Variants in PLEKHG1 observed in about 807,000 individuals in gnomAD.
PLEKHG1 encodes the protein pleckstrin homology domain-containing family G member 1.
PLEKHG1 carries 44 observed loss-of-function variants against 100.8 expected under a neutral mutation model. The observed-to-expected ratio is 0.44, with a 90% confidence interval of 0.34 to 0.56. The LOEUF is 0.56. Among genes scored for constraint, PLEKHG1 ranks in the 20% least tolerant of loss-of-function variants. The pLI is 0.01. For missense variants in PLEKHG1, 1,545 were observed against 1,720.9 expected (o/e 0.90, Z 1.81); for synonymous variants, 640 against 662.5 (o/e 0.97, Z 0.52).
intron 1 of PLEKHG1, among the ~76,000 whole-genome samples, chr6:150,728,317 G>A (rs57755095): frequency 0.17 from 26,216 of 152,070 alleles, 3,376 homozygotes; most frequent in African/African-American, 0.36. Context: ...AAATGATGCC[G>A]GGGCAGTGGC....
At chr6:150,763,174 C>G (rs1439326391) in intron 2 of PLEKHG1, among the ~76,000 whole-genome samples, 1 of 151,648 alleles carries the variant, frequency 6.6e-6, no homozygotes, top group Non-Finnish European at 1.5e-5. Context: ...ATTACAGCTG[C>G]CCACCACCAC....
intron 1 of PLEKHG1, among the ~76,000 whole-genome samples, chr6:150,610,204 C>T (rs1337780090): frequency 2.0e-5 from 3 of 152,148 alleles, no homozygotes; most frequent in African/African-American, 4.8e-5. Flanking sequence ...TGGGTTCAAG[C>T]GATTTTCCTG....
At chr6:150,684,900 G>A (rs537693510) in intron 3 of PLEKHG1, among the ~76,000 whole-genome samples, 1 of 152,208 alleles carries the variant, frequency 6.6e-6, no homozygotes, top group South Asian at 2.1e-4. Flanking sequence ...AAGGAAGCAC[G>A]TGTGTGCTTT....
At chr6:150,643,331 C>G (rs888941752) in intron 2 of PLEKHG1, among the ~76,000 whole-genome samples, 9 of 151,978 alleles carry the variant, frequency 5.9e-5, no homozygotes, top group South Asian at 2.1e-4. Context: ...GAAATCTAGC[C>G]CAGATTCTGG....
chr6:150,691,414 T>C (rs552461891), intron 3 of PLEKHG1, among the ~76,000 whole-genome samples: 1 of 152,356 alleles, frequency 6.6e-6, no homozygotes, highest in South Asian at 2.1e-4. Context: ...GGACAGAGCC[T>C]GGTTTTTATA....
intron 2 of PLEKHG1, among the ~76,000 whole-genome samples, chr6:150,741,915 A>G (rs916636512): frequency 1.3e-5 from 2 of 152,234 alleles, no homozygotes; most frequent in Non-Finnish European, 2.9e-5. Context: ...ACTTCTATCC[A>G]TTAGAAGCTA....
chr6:150,809,013 G>A (rs1583172742), intron 7 of PLEKHG1, 92 bp from the exon 9 acceptor site: 1 of 1,055,768 alleles, frequency 9.5e-7, no homozygotes, highest in East Asian at 2.4e-5. Context: ...GGACGATTTG[G>A]CACCATTCTT....
chr6:150,817,639 C>A (rs1776052025), intron 10 of PLEKHG1, among the ~76,000 whole-genome samples: 1 of 149,854 alleles, frequency 6.7e-6, no homozygotes, highest in Non-Finnish European at 1.5e-5. Flanking sequence ...CTCACTGCAA[C>A]CTCCGCTTCC....
chr6:150,837,028 G>C (rs1254879198), intron 15 of PLEKHG1, among the ~76,000 whole-genome samples: 1 of 152,112 alleles, frequency 6.6e-6, no homozygotes, highest in Admixed American at 6.5e-5. Context: ...CAGGCGTGGT[G>C]GTGGGTGCCT....
At chr6:150,640,793 G>A (rs909794580) in intron 2 of PLEKHG1, among the ~76,000 whole-genome samples, 1 of 152,048 alleles carries the variant, frequency 6.6e-6, no homozygotes, top group Non-Finnish European at 1.5e-5. Context: ...ACAATTATTT[G>A]TGAGCATCTG....
At chr6:150,758,400 G>A (rs944734405) in intron 2 of PLEKHG1, among the ~76,000 whole-genome samples, 6 of 150,984 alleles carry the variant, frequency 4.0e-5, no homozygotes, top group Non-Finnish European at 8.8e-5. Context: ...GCAATGGCAC[G>A]ATCTTGGCTC....
At chr6:150,779,480 G>A (rs1312045778) in intron 3 of PLEKHG1, among the ~76,000 whole-genome samples, 1 of 151,446 alleles carries the variant, frequency 6.6e-6, no homozygotes, top group African/African-American at 2.4e-5. Flanking sequence ...CGAGTAGCTG[G>A]GCTTACAGGC....
intron 3 of PLEKHG1, among the ~76,000 whole-genome samples, chr6:150,656,593 A>T (rs1232230634): frequency 1.3e-5 from 2 of 152,122 alleles, no homozygotes; most frequent in African/African-American, 4.8e-5. Context: ...AGCATGGAGC[A>T]CCTCCTTTCA....
intron 15 of PLEKHG1, among the ~76,000 whole-genome samples, chr6:150,838,460 G>A (rs1451419557): frequency 6.6e-6 from 1 of 152,158 alleles, no homozygotes; most frequent in African/African-American, 2.4e-5. Context: ...TATTTTATGT[G>A]TGTCCCAAGA....
intron 14 of PLEKHG1, 36 bp downstream of exon 15, chr6:150,823,712 A>T: frequency 6.5e-7 from 1 of 1,550,124 alleles, no homozygotes; most frequent in Non-Finnish European, 8.9e-7. Context: ...GGAAATGTTC[A>T]CTTCAGGCAC....
intron 2 of PLEKHG1, among the ~76,000 whole-genome samples, chr6:150,646,331 G>A (rs1243466993): frequency 6.9e-6 from 1 of 145,814 alleles, no homozygotes; most frequent in Non-Finnish European, 1.5e-5. Flanking sequence ...GCCCTGATTG[G>A]TCTGGTGTGG....
intron 3 of PLEKHG1, among the ~76,000 whole-genome samples, chr6:150,693,068 A>T (rs1313397770): frequency 6.6e-6 from 1 of 152,144 alleles, no homozygotes; most frequent in African/African-American, 2.4e-5. Flanking sequence ...CGGTTGGATC[A>T]CTTGAGGTCA....
chr6:150,679,661 G>A (rs1158690614), intron 3 of PLEKHG1, among the ~76,000 whole-genome samples: 1 of 152,236 alleles, frequency 6.6e-6, no homozygotes, highest in Non-Finnish European at 1.5e-5. Flanking sequence ...CGTTGAGTAT[G>A]TACTCTGTGC....
At chr6:150,840,222 C>T in exon 16 of PLEKHG1, 3 of 1,614,240 alleles carry the variant, frequency 1.9e-6, no homozygotes, top group Non-Finnish European at 2.5e-6. Context: ...TCAGGACCAT[C>T]TTTACAACTC....
Sources: gnomAD v4.1 joint callset for allele counts (sites outside exome capture counted in the v4.1 genomes callset) on GRCh38, gnomAD v4.1.1 for gene constraint, MANE v1.5 for transcripts, NCBI Gene and HGNC (gene_info 2026-07-23, HGNC 2026-07-21) for gene names.